Variants in CSPP1 observed in about 807,000 individuals in gnomAD.
CSPP1 encodes centrosome and spindle pole-associated protein 1.
In CSPP1, 126 loss-of-function variants were observed where a neutral mutation model predicts 164.4. The ratio of observed to expected loss-of-function variants is 0.77; its 90% CI spans 0.66 to 0.89. CSPP1 has a LOEUF of 0.89. CSPP1 is among the 40% of genes least tolerant of loss of function. The pLI is 0.00. For missense variants in CSPP1, 1,395 were observed against 1,449.8 expected (o/e 0.96, Z 0.61); for synonymous variants, 472 against 476.7 (o/e 0.99, Z 0.13).
intron 24 of CSPP1, among the ~76,000 whole-genome samples, chr8:67,168,137 A>G (rs575673192): frequency 1.3e-5 from 2 of 152,202 alleles, no homozygotes; most frequent in Middle Eastern, 3.4e-3. Flanking sequence ...TCCACCAAAA[A>G]AGTACGAAAA....
chr8:67,136,346 T>C (rs1822260514), intron 16 of CSPP1, among the ~76,000 whole-genome samples: 1 of 151,562 alleles, frequency 6.6e-6, no homozygotes, highest in Admixed American at 6.6e-5. Flanking sequence ...CCAAGGTGGG[T>C]GGATCAGAGG....
intron 18 of CSPP1, among the ~76,000 whole-genome samples, chr8:67,153,356 G>A (rs1011892714): frequency 3.3e-5 from 5 of 151,864 alleles, no homozygotes; most frequent in South Asian, 2.1e-4. Flanking sequence ...ATTGTTTTTC[G>A]AATTGCTTTT....
At chr8:67,078,960 A>C (rs1161395527) in intron 3 of CSPP1, among the ~76,000 whole-genome samples, 1 of 152,084 alleles carries the variant, frequency 6.6e-6, no homozygotes, top group Non-Finnish European at 1.5e-5. Context: ...TGACAGAGAG[A>C]GACTCCATCT....
chr8:67,192,258 A>G (rs1210861671), intron 29 of CSPP1, among the ~76,000 whole-genome samples: 3 of 151,942 alleles, frequency 2.0e-5, no homozygotes, highest in Non-Finnish European at 4.4e-5. Flanking sequence ...TATTTTTAGT[A>G]GAGTTGGGGT....
intron 1 of CSPP1, chr8:67,065,454 G>A (rs1805347627): frequency 8.0e-6 from 6 of 753,266 alleles, no homozygotes; most frequent in Non-Finnish European, 9.7e-6. Context: ...CAACCGATAG[G>A]AATTTATAAA....
intron 13 of CSPP1, among the ~76,000 whole-genome samples, chr8:67,116,968 A>G (rs540386494): frequency 6.6e-6 from 1 of 152,286 alleles, no homozygotes; most frequent in South Asian, 2.1e-4. Context: ...TTCCTGACTC[A>G]GGAATAGGAG....
rs546050699 is a variant in CSPP1 at position 67,105,946 on chromosome 8, C to G, written c.1064C>G (p.Thr355Ser). Residue 355 changes from threonine (T) to serine (S), a missense_variant, in exon 9 of 31, where the codon ACC (threonine) becomes AGC (serine). Coordinates refer to ENST00000678616, the MANE Select transcript of CSPP1 (RefSeq NM_001382391.1). ...NETSKSANQD[T>S]CSPFAGMLFG... is the part of the protein sequence containing the mutation. ...ACATCCAAATCTGCTAATCAAGATACCTGTAGTCCTTTTGCAGGGATGCTC... is the reference window on the plus strand; with the variant it reads ...ACATCCAAATCTGCTAATCAAGATAGCTGTAGTCCTTTTGCAGGGATGCTC... 2.5e-6 allele frequency: 4 copies of G among 1,593,298 alleles called. No homozygotes were observed. The South Asian group carries it at 4.4e-5, about 18-fold the overall frequency.
intron 24 of CSPP1, among the ~76,000 whole-genome samples, chr8:67,168,772 T>C (rs1036949018): frequency 6.6e-6 from 1 of 152,238 alleles, no homozygotes; most frequent in Non-Finnish European, 1.5e-5. Flanking sequence ...TATTATGTGC[T>C]AGGCTCAAAA....
At chr8:67,101,613 A>G (rs1434968273) in intron 7 of CSPP1, among the ~76,000 whole-genome samples, 1 of 152,220 alleles carries the variant, frequency 6.6e-6, no homozygotes, top group Non-Finnish European at 1.5e-5. Context: ...TCGATTAAAA[A>G]ATGGAAGCCA....
intron 3 of CSPP1, among the ~76,000 whole-genome samples, chr8:67,082,897 A>T (rs1809504357): frequency 6.6e-6 from 1 of 152,190 alleles, no homozygotes; most frequent in Non-Finnish European, 1.5e-5. Context: ...GATCCATCAG[A>T]AGACAACAGG....
In CSPP1 at chr8:67,113,201, C is replaced by T. The variant is rs145322571; in HGVS notation, c.1188-604C>T. Among the ~76,000 whole-genome samples the T allele has an allele frequency of 3.7e-4, 57 of 152,242 alleles. No homozygotes were observed. The East Asian group carries it at 8.5e-3, about 23-fold the overall frequency. On this transcript the variant is annotated intron_variant, in intron 10 of 30. Coordinates refer to ENST00000678616, the MANE Select transcript of CSPP1 (RefSeq NM_001382391.1). The stretch of plus-strand genomic sequence containing the variant: ...CGGAGTTTGCAGTGAGCTGAGATAA[C>T]GCCAGTGCATTCCAGCCTGGGCGAC...
intron 3 of CSPP1, chr8:67,083,548 A>AAATATATATATATATAT (rs1332248754): frequency 1.1e-5 from 1 of 91,502 alleles, no homozygotes; most frequent in African/African-American, 4.5e-5. Flanking sequence ...AAAAAAAAAA[A>AAATATATATATATATAT]ATATATATAT....
At chr8:67,179,351 T>C (rs1832466980) in intron 27 of CSPP1, among the ~76,000 whole-genome samples, 1 of 152,172 alleles carries the variant, frequency 6.6e-6, no homozygotes. Context: ...TACCCCTCTC[T>C]CTCCCATGAC....
At chr8:67,064,608 G>T (rs1805128237) in intron 1 of CSPP1, 70 bp downstream of exon 1, 2 of 1,437,304 alleles carry the variant, frequency 1.4e-6, no homozygotes, top group Non-Finnish European at 1.8e-6. Context: ...CGGAGCGGGG[G>T]CAGGGGCAGT....
intron 6 of CSPP1, among the ~76,000 whole-genome samples, chr8:67,093,910 A>C (rs1008958117): frequency 6.6e-6 from 1 of 151,884 alleles, no homozygotes; most frequent in South Asian, 2.1e-4. Flanking sequence ...TAAAAATTTA[A>C]ATGAGTTTTT....
intron 29 of CSPP1, 98 bp downstream of exon 29, chr8:67,190,857 G>A (rs1836030478): frequency 2.4e-6 from 2 of 846,662 alleles, no homozygotes; most frequent in Admixed American, 2.1e-5. Flanking sequence ...AAGAGCACTT[G>A]CTTGAAATTC....
intron 28 of CSPP1, 119 bp from the exon 29 acceptor site, chr8:67,190,531 A>C: frequency 2.8e-6 from 2 of 715,600 alleles, no homozygotes; most frequent in Non-Finnish European, 5.1e-6. Context: ...ATGTACATAC[A>C]TTGAGTGTGT....
intron 3 of CSPP1, among the ~76,000 whole-genome samples, chr8:67,080,047 C>T (rs1808815735): frequency 6.6e-6 from 1 of 152,182 alleles, no homozygotes; most frequent in African/African-American, 2.4e-5. Flanking sequence ...TTTTATACTG[C>T]ATAAGCATTT....
intron 21 of CSPP1, among the ~76,000 whole-genome samples, chr8:67,159,670 C>T (rs570856486): frequency 9.3e-5 from 14 of 150,600 alleles, no homozygotes; most frequent in Admixed American, 7.9e-4. Flanking sequence ...TACAGGCACA[C>T]GCCATCATGC....
Sources: allele counts gnomAD v4.1 joint callset (sites outside exome capture counted in the v4.1 genomes callset), GRCh38; gene constraint gnomAD v4.1.1; transcripts MANE v1.5; gene names NCBI Gene and HGNC (gene_info 2026-07-23, HGNC 2026-07-21).